The following ERBIN variants were observed in gnomAD, a reference collection of about 807,000 sequenced individuals.
ERBIN encodes the protein densin-180-like protein.
In ERBIN, 60 loss-of-function variants were observed where a neutral mutation model predicts 158.4. The ratio of observed to expected loss-of-function variants is 0.38; its 90% CI spans 0.31 to 0.47. ERBIN has a LOEUF of 0.47. ERBIN is among the 20% of genes least tolerant of loss of function. The pLI, the probability that ERBIN is intolerant of heterozygous loss-of-function variation, is 0.99. For synonymous variants in ERBIN, 594 were observed against 557.2 expected (o/e 1.07, Z -0.93); for missense variants, 1,610 against 1,648.0 (o/e 0.98, Z 0.40).
At chr5:65,991,467 A>C (rs941548882) in intron 2 of ERBIN, among the ~76,000 whole-genome samples, 3 of 152,204 alleles carry the variant, frequency 2.0e-5, no homozygotes, top group Non-Finnish European at 4.4e-5. Flanking sequence ...AGAATTGATA[A>C]CACTAATTAT....
intron 2 of ERBIN, among the ~76,000 whole-genome samples, chr5:65,992,075 A>G (rs1307583072): frequency 6.6e-6 from 1 of 152,210 alleles, no homozygotes; most frequent in Admixed American, 6.5e-5. Context: ...TTACTCAGAA[A>G]TTAAGTAAAA....
At chr5:65,990,676 T>C (rs1357244897) in intron 2 of ERBIN, among the ~76,000 whole-genome samples, 1 of 143,986 alleles carries the variant, frequency 6.9e-6, no homozygotes, top group Non-Finnish European at 1.5e-5. Context: ...ATTGTAGTGA[T>C]GATGAAATGA....
intron 1 of ERBIN, among the ~76,000 whole-genome samples, chr5:65,979,432 C>T (rs1057105356): frequency 5.3e-5 from 8 of 152,034 alleles, no homozygotes; most frequent in African/African-American, 1.9e-4. Flanking sequence ...GGAAAAAAAC[C>T]CGCAAACCAA....
rs1320962102 is a variant in ERBIN at position 66,050,881 on chromosome 5, G to T, written c.2002G>T (p.Val668Phe). Residue 668 changes from valine to phenylalanine, a missense_variant, in exon 20 of 26, where the codon GTT becomes TTT. This residue lies in a region of ERBIN where 1,014 missense variants were observed against 936.1 expected (regional missense o/e 1.08). Coordinates refer to ENST00000284037, the MANE Select transcript of ERBIN (RefSeq NM_001253697.2). ...CSSPSRMSDS[V>F]SLNTDSSQDT... ...TTCTCCATCTCGGATGTCTGATTCA[G>T]TTTCTCTTAATACTGATAGTAGTCA... The T allele has an allele frequency of 6.2e-7, 1 of 1,605,496 alleles. No individual in the cohort carries two copies. Among genetic ancestry groups the T allele is most frequent in the Non-Finnish European group, 8.5e-7 (1 of 1,176,828 alleles).
intron 1 of ERBIN, among the ~76,000 whole-genome samples, chr5:65,933,056 G>A (rs1303194094): frequency 6.6e-6 from 1 of 152,318 alleles, no homozygotes; most frequent in East Asian, 1.9e-4. Flanking sequence ...GTCTCCCAAA[G>A]TGCTGGGATT....
intron 14 of ERBIN, among the ~76,000 whole-genome samples, chr5:66,030,340 C>CT (rs1278915582): frequency 6.6e-6 from 1 of 152,158 alleles, no homozygotes; most frequent in Non-Finnish European, 1.5e-5. Context: ...CCACGCCCAG[C>CT]TTTACTGGAG....
intron 1 of ERBIN, among the ~76,000 whole-genome samples, chr5:65,976,109 G>A (rs1415716634): frequency 6.6e-6 from 1 of 152,196 alleles, no homozygotes; most frequent in Non-Finnish European, 1.5e-5. Flanking sequence ...GTGAACTGGT[G>A]GAATACCTGT....
At chr5:65,987,273 C>T (rs1348632132) in intron 1 of ERBIN, among the ~76,000 whole-genome samples, 3 of 151,710 alleles carry the variant, frequency 2.0e-5, no homozygotes, top group African/African-American at 7.3e-5. Context: ...CAGGTCACAC[C>T]TGTAAACCCA....
In ERBIN at chr5:65,933,041, C is replaced by T. The variant is rs1218911336; in HGVS notation, c.-58+6235C>T. Among the ~76,000 whole-genome samples, 5 of 152,194 alleles carry T rather than the reference C, an allele frequency of 3.3e-5. 1 individual carries two copies. Among genetic ancestry groups the T allele is most frequent in the Non-Finnish European group, 7.3e-5 (5 of 68,038 alleles). On this transcript the variant is annotated intron_variant, in intron 1 of 25. Coordinates refer to ENST00000284037, the MANE Select transcript of ERBIN (RefSeq NM_001253697.2). ...CTCCTGGCCTCAAGCAGTCCTCCCT[C>T]CTTGGTCTCCCAAAGTGCTGGGATT...
chr5:66,021,242 A>G (rs929249398), intron 7 of ERBIN, 80 bp from the exon 8 acceptor site: 4 of 767,096 alleles, frequency 5.2e-6, no homozygotes. Context: ...CTATTCCATA[A>G]GAATGTTTTA....
chr5:66,054,506 A>T lies in ERBIN; in HGVS notation c.3188A>T (p.Asp1063Val). ...GAAATGTGGGCCATCTCACCAAACGACCGACTTATTCCTGCAGTAACTCGA... is the reference window on the plus strand; with the variant it reads ...GAAATGTGGGCCATCTCACCAAACGTCCGACTTATTCCTGCAGTAACTCGA... ...HGEMWAISPN[D>V]RLIPAVTRST... Residue 1063 changes from aspartate (D) to valine (V), a missense_variant, in exon 21 of 26, where the codon GAC becomes GTC. Asp to Val is a radical substitution (Grantham distance 152, BLOSUM62 -3). Around this residue, in one of 2 missense-constraint regions of ERBIN, gnomAD observed 1,014 missense variants for 936.1 expected, o/e 1.08. Coordinates refer to ENST00000284037, the MANE Select transcript of ERBIN (RefSeq NM_001253697.2). The T allele has an allele frequency of 6.2e-7, 1 of 1,614,138 alleles. No homozygotes were observed. Among genetic ancestry groups the T allele is most frequent in the Non-Finnish European group, 8.5e-7 (1 of 1,180,000 alleles).
chr5:65,937,710 C>T (rs1456189104), intron 1 of ERBIN, among the ~76,000 whole-genome samples: 2 of 152,142 alleles, frequency 1.3e-5, no homozygotes, highest in Non-Finnish European at 2.9e-5. Flanking sequence ...AGATCGAGAC[C>T]ATCCTGGCTA....
At chr5:65,937,886 G>A (rs1744287813) in intron 1 of ERBIN, among the ~76,000 whole-genome samples, 1 of 152,076 alleles carries the variant, frequency 6.6e-6, no homozygotes, top group African/African-American at 2.4e-5. Flanking sequence ...CCAGCCTGGG[G>A]GACTGAGCTA....
At chr5:65,963,869 A>G (rs868570240) in intron 1 of ERBIN, among the ~76,000 whole-genome samples, 4 of 150,006 alleles carry the variant, frequency 2.7e-5, no homozygotes, top group Non-Finnish European at 5.9e-5. Context: ...AACTCACTGC[A>G]AGCTCCGCCT....
At chr5:66,003,923 CTTTT>C (rs35063438) in intron 4 of ERBIN, among the ~76,000 whole-genome samples, 99 of 62,658 alleles carry the variant, frequency 1.6e-3, no homozygotes, top group African/African-American at 5.8e-3. Flanking sequence ...GAGCAGCAGT[CTTTT>C]TTTTTTTTTT....
At chr5:65,959,044 A>G (rs1019583188) in intron 1 of ERBIN, among the ~76,000 whole-genome samples, 1 of 152,202 alleles carries the variant, frequency 6.6e-6, no homozygotes, top group Non-Finnish European at 1.5e-5. Context: ...TAAATTTTTA[A>G]AAGTAGACAT....
At chr5:66,017,058 A>G (rs959046661) in intron 7 of ERBIN, among the ~76,000 whole-genome samples, 1 of 151,982 alleles carries the variant, frequency 6.6e-6, no homozygotes, top group Non-Finnish European at 1.5e-5. Context: ...ATAATATTCC[A>G]TTGTGTATAT....
intron 20 of ERBIN, among the ~76,000 whole-genome samples, chr5:66,052,197 C>CAA (rs200101195): frequency 1.1e-3 from 68 of 59,272 alleles, no homozygotes; most frequent in African/African-American, 3.7e-3. Flanking sequence ...GACCCGGTCT[C>CAA]AAAAAAAAAA....
At chr5:65,952,079 T>A (rs1306501383) in intron 1 of ERBIN, among the ~76,000 whole-genome samples, 2 of 152,206 alleles carry the variant, frequency 1.3e-5, no homozygotes, top group East Asian at 3.8e-4. Flanking sequence ...TTCTGTGGGA[T>A]GACTGCCAGA....
Sources: gnomAD v4.1 joint callset for allele counts (sites outside exome capture counted in the v4.1 genomes callset) on GRCh38, gnomAD v4.1.1 for gene constraint, gnomAD v4.1.1 regional missense constraint, MANE v1.5 for transcripts, NCBI Gene and HGNC (gene_info 2026-07-23, HGNC 2026-07-21) for gene names.